Variants in IGSF5 observed in about 807,000 individuals in gnomAD.
IGSF5 encodes immunoglobulin superfamily member 5.
A neutral mutation model predicts 39.4 loss-of-function variants in IGSF5; 41 were observed. That is an observed-to-expected ratio of 1.04 (90% CI 0.81 to 1.35). IGSF5 has a LOEUF of 1.35. Ranked by LOEUF, IGSF5 falls within the 40% of genes most tolerant of loss-of-function variation. The pLI is 0.00. For synonymous variants in IGSF5, 183 were observed against 175.3 expected, an observed-to-expected ratio of 1.04 and a Z score of -0.34; for missense variants, 487 against 494.6, an observed-to-expected ratio of 0.98 and a Z score of 0.15.
At chr21:39,733,616 G>T in the IGSF5 span, among the ~76,000 whole-genome samples, 14 of 152,204 alleles carry the variant, frequency 9.2e-5, no homozygotes, top group Admixed American at 8.5e-4. Context: ...CCTGGGAAGA[G>T]CTCCACAATT....
the IGSF5 span, among the ~76,000 whole-genome samples, chr21:39,726,939 C>A: frequency 6.6e-6 from 1 of 152,050 alleles, no homozygotes; most frequent in Non-Finnish European, 1.5e-5. Context: ...CCTACATGAA[C>A]AATGGAAAGG....
intron 6 of IGSF5, among the ~76,000 whole-genome samples, chr21:39,790,255 G>C (rs1466001151): frequency 6.6e-6 from 1 of 152,218 alleles, no homozygotes; most frequent in Non-Finnish European, 1.5e-5. Flanking sequence ...GCACGTGAGT[G>C]TCAGTGGCTC....
the IGSF5 span, among the ~76,000 whole-genome samples, chr21:39,726,602 A>T: frequency 6.6e-6 from 1 of 152,160 alleles, no homozygotes; most frequent in African/African-American, 2.4e-5. Flanking sequence ...TGCTGCCTCC[A>T]CTGTGTCTGT....
rs375232017 is a variant in IGSF5, at chr21:39,765,486, T to G, written c.101-49T>G. 4.6e-5 allele frequency: 71 copies of G among 1,538,580 alleles called. No homozygotes were observed. In the Middle Eastern group the frequency reaches 1.2e-3, roughly 26 times the overall value. The stretch of plus-strand genomic sequence containing the variant: ...AGAAAGGTTACAGCACACAGTTGAT[T>G]TATGGAGATCCATTCATTTAACAAC... On this transcript the variant is annotated intron_variant, in intron 2 of 8. Coordinates refer to ENST00000380588, the MANE Select transcript of IGSF5 (RefSeq NM_001080444.2).
intron 8 of IGSF5, among the ~76,000 whole-genome samples, chr21:39,798,345 G>A (rs969835260): frequency 7.9e-5 from 12 of 152,158 alleles, no homozygotes; most frequent in African/African-American, 2.9e-4. Flanking sequence ...CTTCATAATG[G>A]CCTGTGCTTG....
intron 4 of IGSF5, among the ~76,000 whole-genome samples, chr21:39,776,614 T>A (rs1001654001): frequency 6.6e-6 from 1 of 152,178 alleles, no homozygotes; most frequent in Admixed American, 6.5e-5. Flanking sequence ...GTCCCTTCCC[T>A]TCTGTTAAAC....
the IGSF5 span, among the ~76,000 whole-genome samples, chr21:39,734,142 T>A: frequency 1.3e-5 from 2 of 152,188 alleles, no homozygotes; most frequent in Non-Finnish European, 2.9e-5. Flanking sequence ...TTAAAAATGA[T>A]GGCTGTGTGC....
At chr21:39,775,545 C>G (rs1485647816) in intron 4 of IGSF5, among the ~76,000 whole-genome samples, 1 of 152,194 alleles carries the variant, frequency 6.6e-6, no homozygotes, top group Non-Finnish European at 1.5e-5. Flanking sequence ...TTGAGAGCAT[C>G]TGGGAAATGC....
intron 2 of IGSF5, among the ~76,000 whole-genome samples, chr21:39,762,078 G>A (rs1047619266): frequency 3.9e-5 from 6 of 152,196 alleles, no homozygotes; most frequent in African/African-American, 1.4e-4. Flanking sequence ...TTTGAGAACT[G>A]GAGAGAGTTG....
chr21:39,777,590 A>G (rs1157133296), intron 4 of IGSF5, among the ~76,000 whole-genome samples: 2 of 151,030 alleles, frequency 1.3e-5, no homozygotes, highest in African/African-American at 4.9e-5. Context: ...TTTTTGGGAG[A>G]GCCTTTTACA....
the IGSF5 span, chr21:39,730,510 A>G: frequency 6.6e-6 from 1 of 152,172 alleles, no homozygotes; most frequent in African/African-American, 2.4e-5. Context: ...ATGTCAAAGT[A>G]AATTTAATTC....
the IGSF5 span, among the ~76,000 whole-genome samples, chr21:39,721,687 C>T: frequency 7.5e-6 from 1 of 134,004 alleles, no homozygotes; most frequent in Non-Finnish European, 1.6e-5. Context: ...TCCTTCCTTC[C>T]TTCCTTCCTT....
chr21:39,757,405 A>C (rs977629087), intron 2 of IGSF5, among the ~76,000 whole-genome samples: 8 of 151,986 alleles, frequency 5.3e-5, no homozygotes, highest in Non-Finnish European at 2.9e-5. Context: ...CACCATCTGC[A>C]TCCCTTCATG....
chr21:39,712,471 G>T, the IGSF5 span, among the ~76,000 whole-genome samples: 1 of 152,140 alleles, frequency 6.6e-6, no homozygotes, highest in Non-Finnish European at 1.5e-5. Flanking sequence ...TTCCTGTCAA[G>T]CAGAATCATT....
At chr21:39,783,385 G>A (rs546774582) in intron 5 of IGSF5, among the ~76,000 whole-genome samples, 2 of 152,002 alleles carry the variant, frequency 1.3e-5, no homozygotes, top group South Asian at 2.1e-4. Context: ...TTTATTTTTT[G>A]TCTTTTTGAT....
chr21:39,781,821 TTC>T (rs1247519798), intron 5 of IGSF5, among the ~76,000 whole-genome samples: 1 of 152,232 alleles, frequency 6.6e-6, no homozygotes, highest in Non-Finnish European at 1.5e-5. Context: ...GCTCATTATT[TTC>T]TCTCTCAGAT....
chr21:39,722,922 A>G, the IGSF5 span, among the ~76,000 whole-genome samples: 1 of 152,366 alleles, frequency 6.6e-6, no homozygotes, highest in East Asian at 1.9e-4. Context: ...ACAAATAAGC[A>G]TATGTGTAGT....
the IGSF5 span, among the ~76,000 whole-genome samples, chr21:39,713,433 T>C: frequency 6.6e-6 from 1 of 152,184 alleles, no homozygotes; most frequent in Non-Finnish European, 1.5e-5. Flanking sequence ...ATAGTGCATA[T>C]TTTTCTGCTG....
intron 8 of IGSF5, among the ~76,000 whole-genome samples, chr21:39,800,814 C>T (rs552565945): frequency 2.0e-4 from 30 of 152,326 alleles, no homozygotes; most frequent in South Asian, 8.3e-4. Context: ...ACAGGGAAGA[C>T]TATGTTTCTC....
Sources: allele counts gnomAD v4.1 joint callset (sites outside exome capture counted in the v4.1 genomes callset), GRCh38; gene constraint gnomAD v4.1.1; transcripts MANE v1.5; gene names NCBI Gene and HGNC (gene_info 2026-07-23, HGNC 2026-07-21).